SNX3: variants seen among roughly 807,000 people sequenced by gnomAD.
The protein encoded by SNX3 is sorting nexin 3, also known as sorting nexin-3.
A neutral mutation model predicts 17.7 loss-of-function variants in SNX3; 5 were observed. The observed-to-expected ratio is 0.28, with a 90% CI of 0.15 to 0.59. SNX3 has a LOEUF of 0.59. Ranked by LOEUF, SNX3 falls within the 20% of genes least tolerant of loss-of-function variation. SNX3 has a pLI of 0.88. For synonymous variants in SNX3, 91 were observed against 76.5 expected, an observed-to-expected ratio of 1.19 and a Z score of -0.99; for missense variants, 132 against 206.8, an observed-to-expected ratio of 0.64 and a Z score of 2.22.
chr6:108,249,188 T>C lies in SNX3; in HGVS notation c.162+11572A>G, dbSNP rs181435012. Among the ~76,000 whole-genome samples the C allele has an allele frequency of 3.9e-4, 59 of 152,276 alleles. 1 individual carries two copies. Among genetic ancestry groups the C allele is most frequent in the East Asian group, 3.9e-3 (20 of 5,182 alleles). On this transcript the variant is annotated intron_variant, in intron 1 of 3. Transcript: ENST00000230085. ...CAACCTGGGCAATGTAGTGAGATTC[T>C]GTCTCTTAAAACACATACACACACA...
At chr6:108,226,628 GGACATCATCTTGT>G (rs1472578043) in intron 1 of SNX3, among the ~76,000 whole-genome samples, 1 of 152,066 alleles carries the variant, frequency 6.6e-6, no homozygotes, top group Admixed American at 6.6e-5. Context: ...GTGTATACAG[GGACATCATCTTGT>G]AATATTCACT....
intron 1 of SNX3, among the ~76,000 whole-genome samples, chr6:108,237,770 C>A (rs1192370148): frequency 2.0e-5 from 3 of 150,610 alleles, no homozygotes; most frequent in African/African-American, 7.3e-5. Flanking sequence ...GCCTGAGGGA[C>A]AAGAGTGAGA....
At chr6:108,219,668 TC>T (rs1225357419) in intron 2 of SNX3, among the ~76,000 whole-genome samples, 8 of 152,238 alleles carry the variant, frequency 5.3e-5, no homozygotes, top group Non-Finnish European at 8.8e-5. Flanking sequence ...GAGATATAAA[TC>T]TTTATTTCCT....
At chr6:108,217,617 A>G (rs1213884692) in intron 2 of SNX3, among the ~76,000 whole-genome samples, 3 of 152,016 alleles carry the variant, frequency 2.0e-5, no homozygotes, top group Admixed American at 1.3e-4. Flanking sequence ...TTAGCCGGGC[A>G]TGGTGGTGCA....
chr6:108,240,867 G>A (rs930633884), intron 1 of SNX3, among the ~76,000 whole-genome samples: 1 of 152,108 alleles, frequency 6.6e-6, no homozygotes, highest in Non-Finnish European at 1.5e-5. Context: ...GTGATGTCGG[G>A]CGCAGTGGCT....
intron 1 of SNX3, among the ~76,000 whole-genome samples, chr6:108,259,088 C>G (rs1438921190): frequency 6.6e-6 from 1 of 152,074 alleles, no homozygotes; most frequent in Admixed American, 6.6e-5. Flanking sequence ...AGAGGAAGTT[C>G]TTTTTAGTGA....
chr6:108,242,387 C>T (rs1775547200), intron 1 of SNX3, among the ~76,000 whole-genome samples: 1 of 151,968 alleles, frequency 6.6e-6, no homozygotes, highest in African/African-American at 2.4e-5. Flanking sequence ...AGTAAAAAGC[C>T]AAAGAAAAGC....
chr6:108,246,887 A>C (rs913408996), intron 1 of SNX3, among the ~76,000 whole-genome samples: 10 of 152,110 alleles, frequency 6.6e-5, no homozygotes, highest in African/African-American at 2.4e-4. Flanking sequence ...TGGCAAGAGG[A>C]ATCAGGAAAG....
intron 1 of SNX3, among the ~76,000 whole-genome samples, chr6:108,240,005 T>C (rs1775468877): frequency 6.6e-6 from 1 of 152,104 alleles, no homozygotes; most frequent in East Asian, 1.9e-4. Context: ...AAGAAAGGTA[T>C]AAAGTAAAAA....
chr6:108,232,265 C>T (rs777355894), intron 1 of SNX3, among the ~76,000 whole-genome samples: 3 of 152,022 alleles, frequency 2.0e-5, no homozygotes, highest in Non-Finnish European at 4.4e-5. Flanking sequence ...AAAAGAGAAA[C>T]CAGCCATTTT....
chr6:108,247,194 G>C lies in SNX3; in HGVS notation c.162+13566C>G, dbSNP rs77378165. On this transcript the variant is annotated intron_variant, in intron 1 of 3. Transcript: ENST00000230085. ...ACTTGCTTCTTTGCCTTCCATGCTTGTAAGTTTCCTGAGGCCTCCCCAGCT... is the reference window on the plus strand; with the variant it reads ...ACTTGCTTCTTTGCCTTCCATGCTTCTAAGTTTCCTGAGGCCTCCCCAGCT... 3.8e-3 allele frequency among the ~76,000 whole-genome samples: 577 copies of C among 152,084 alleles called. 6 individuals carry two copies. The highest frequency in any genetic ancestry group is 0.013 in the African/African-American group (554 of 41,458).
chr6:108,253,523 C>T (rs1365805926), intron 1 of SNX3, among the ~76,000 whole-genome samples: 26 of 152,014 alleles, frequency 1.7e-4, no homozygotes, highest in Non-Finnish European at 1.5e-5. Context: ...TCCCCTTCCT[C>T]CCAAAAACTT....
At position 108,250,402 on chromosome 6, in the gene SNX3, G is replaced by A. The variant is rs577546309; in HGVS notation, c.162+10358C>T. On this transcript the variant is annotated intron_variant, in intron 1 of 3. Coordinates refer to ENST00000230085, the MANE Select transcript of SNX3 (RefSeq NM_003795.6). ...AGATAATATGGGAAGAAATGGGTAT[G>A]CTGTGTTCCAATAAAACTTTATTTA... Among the ~76,000 whole-genome samples the A allele has an allele frequency of 5.3e-5, 8 of 152,284 alleles. No homozygotes were observed. In the East Asian group the frequency reaches 9.6e-4, roughly 18 times the overall value.
chr6:108,245,810 ATAAATT>A (rs1274775824), intron 1 of SNX3, among the ~76,000 whole-genome samples: 7 of 152,096 alleles, frequency 4.6e-5, no homozygotes, highest in South Asian at 2.1e-4. Context: ...TTTTTTTCTT[ATAAATT>A]TAAGTTCCTT....
Position 108,220,907 on chromosome 6 carries a change from G to A in SNX3, c.258+2043C>T, listed in dbSNP as rs536870662. On this transcript the variant is annotated intron_variant, in intron 2 of 3. Coordinates refer to ENST00000230085, the MANE Select transcript of SNX3 (RefSeq NM_003795.6). ...GAGGCAGGAGAATTGCTTGAACCCC[G>A]GAGATGGAGGTTGCAGTGAGCCGAC... is the stretch of plus-strand genomic sequence containing the variant. Among the ~76,000 whole-genome samples, 9 of 152,024 alleles carry A rather than the reference G, an allele frequency of 5.9e-5. No individual in the cohort carries two copies. The East Asian group carries it at 7.7e-4, about 13-fold the overall frequency.
At position 108,260,868 on chromosome 6, in the gene SNX3, C is replaced by G; in HGVS notation, c.54G>C (p.Leu18=). The G allele has an allele frequency of 6.2e-7, 1 of 1,612,836 alleles. No homozygotes were observed. The highest frequency in any genetic ancestry group is 2.2e-5 in the East Asian group (1 of 44,588). The part of the protein sequence containing the change: ...TRRLITKPQN[L]NDAYGPPSNF... ...TGCTGGGGGGTCCGTAGGCGTCATT[C>G]AGGTTCTGCGGCTTGGTGATCAGCC... The change falls in exon 1 of 4, where the codon CTG becomes CTC. Residue 18 remains leucine, a synonymous_variant. Coordinates refer to ENST00000230085, the MANE Select transcript of SNX3 (RefSeq NM_003795.6).
At chr6:108,237,552 G>A (rs553967267) in intron 1 of SNX3, among the ~76,000 whole-genome samples, 4 of 152,242 alleles carry the variant, frequency 2.6e-5, no homozygotes, top group Non-Finnish European at 5.9e-5. Context: ...TTGGGAGGCC[G>A]AGGCAGGCGG....
chr6:108,226,188 C>A (rs1013146255), intron 1 of SNX3, among the ~76,000 whole-genome samples: 2 of 152,052 alleles, frequency 1.3e-5, no homozygotes, highest in African/African-American at 4.8e-5. Flanking sequence ...ATTTCTCCTA[C>A]CTCAACCCCC....
intron 2 of SNX3, among the ~76,000 whole-genome samples, chr6:108,222,635 T>A (rs1774830669): frequency 6.6e-6 from 1 of 152,102 alleles, no homozygotes; most frequent in Non-Finnish European, 1.5e-5. Flanking sequence ...GAAGAGAAAC[T>A]TGGCTTAAGT....
Sources: allele counts gnomAD v4.1 joint callset (sites outside exome capture counted in the v4.1 genomes callset), GRCh38; gene constraint gnomAD v4.1.1; transcripts MANE v1.5; gene names NCBI Gene and HGNC (gene_info 2026-07-23, HGNC 2026-07-21).